Variants in ALPL observed in about 807,000 individuals in gnomAD.
ALPL encodes alkaline phosphatase, tissue-nonspecific isozyme.
In ALPL, 42 loss-of-function variants were observed where a neutral mutation model predicts 51.3. The observed-to-expected ratio is 0.82, with a 90% CI of 0.64 to 1.06. The LOEUF is 1.06. Ranked by LOEUF, ALPL falls within the 50% of genes least tolerant of loss-of-function variation. ALPL has a pLI of 0.00. For missense variants in ALPL, 589 were observed against 709.4 expected, an observed-to-expected ratio of 0.83 and a Z score of 1.93; for synonymous variants, 279 against 296.4, an observed-to-expected ratio of 0.94 and a Z score of 0.60.
chr1:21,551,681 A>T (rs1409054826), intron 1 of ALPL, among the ~76,000 whole-genome samples: 1 of 144,202 alleles, frequency 6.9e-6, no homozygotes, highest in African/African-American at 2.5e-5. Context: ...CCCCTACCCC[A>T]GAGCCGTCAC....
chr1:21,517,923 A>G (rs1291148755), intron 1 of ALPL, among the ~76,000 whole-genome samples: 1 of 151,992 alleles, frequency 6.6e-6, no homozygotes, highest in Non-Finnish European at 1.5e-5. Flanking sequence ...AGCAACTAAT[A>G]TAGAGTTGGC....
intron 1 of ALPL, among the ~76,000 whole-genome samples, chr1:21,548,827 G>T (rs1194921504): frequency 6.6e-6 from 1 of 152,156 alleles, no homozygotes; most frequent in Non-Finnish European, 1.5e-5. Context: ...TATGGCCTTG[G>T]AGTTGTAAGT....
intron 1 of ALPL, among the ~76,000 whole-genome samples, chr1:21,517,115 T>C (rs4654755): frequency 0.32 from 49,403 of 152,118 alleles, 8,767 homozygotes; most frequent in East Asian, 0.47. Flanking sequence ...AAAAACAGAA[T>C]GGCTGGTTGG....
intron 1 of ALPL, among the ~76,000 whole-genome samples, chr1:21,540,880 C>T (rs1444478331): frequency 6.6e-6 from 1 of 152,190 alleles, no homozygotes; most frequent in East Asian, 1.9e-4. Flanking sequence ...GGCTACCTGG[C>T]AGGTTACTCC....
chr1:21,573,472 GAA>G (rs955871458), intron 8 of ALPL, among the ~76,000 whole-genome samples, 191 bp from the exon 9 acceptor site: 1 of 147,108 alleles, frequency 6.8e-6, no homozygotes, highest in Admixed American at 6.9e-5. Context: ...AAAGAAAAAA[GAA>G]AAAAAAAGGA....
chr1:21,554,753 G>T (rs1390563868), intron 2 of ALPL, among the ~76,000 whole-genome samples: 1 of 151,122 alleles, frequency 6.6e-6, no homozygotes, highest in East Asian at 1.9e-4. Flanking sequence ...GCCTCCCAAA[G>T]TGCTGGGATT....
At chr1:21,521,002 TTG>T (rs1380940903) in intron 1 of ALPL, among the ~76,000 whole-genome samples, 1 of 152,168 alleles carries the variant, frequency 6.6e-6, no homozygotes, top group African/African-American at 2.4e-5. Context: ...CTCTCCCTGT[TTG>T]TGTTGCCAGT....
At chr1:21,523,641 C>T (rs2148071353) in intron 1 of ALPL, among the ~76,000 whole-genome samples, 1 of 152,352 alleles carries the variant, frequency 6.6e-6, no homozygotes, top group South Asian at 2.1e-4. Context: ...TCACCTCACC[C>T]CTGCCTGGGG....
At chr1:21,557,476 G>A (rs962124154) in intron 2 of ALPL, among the ~76,000 whole-genome samples, 1 of 152,204 alleles carries the variant, frequency 6.6e-6, no homozygotes, top group African/African-American at 2.4e-5. Context: ...TCTGGGACGG[G>A]GTCCCTGCCT....
chr1:21,544,974 T>C lies in ALPL; in HGVS notation c.-104-9004T>C, dbSNP rs879282833. Among the ~76,000 whole-genome samples, 7 of 151,982 alleles carry C rather than the reference T, an allele frequency of 4.6e-5. No individual in the cohort carries two copies. The East Asian group carries it at 1.2e-3, about 25-fold the overall frequency. ...AATACCCTCTAACCCTTAAAAAAAATAACCTAAAGTCTTTATTCCCACCTT... is the reference window on the plus strand; with the variant it reads ...AATACCCTCTAACCCTTAAAAAAAACAACCTAAAGTCTTTATTCCCACCTT... On this transcript the variant is annotated intron_variant, in intron 1 of 11. Transcript: ENST00000374840.
At chr1:21,547,093 C>T (rs774954072) in intron 1 of ALPL, among the ~76,000 whole-genome samples, 47 of 152,204 alleles carry the variant, frequency 3.1e-4, no homozygotes, top group Non-Finnish European at 6.5e-4. Flanking sequence ...GTCCCGTTCC[C>T]GACTGTTTCC....
chr1:21,513,578 G>A (rs1415685889), intron 1 of ALPL, among the ~76,000 whole-genome samples: 1 of 152,096 alleles, frequency 6.6e-6, no homozygotes, highest in Non-Finnish European at 1.5e-5. Context: ...ACTTCCCTAA[G>A]ACTTGGAATG....
At chr1:21,541,627 G>C (rs1383592347) in intron 1 of ALPL, among the ~76,000 whole-genome samples, 1 of 152,210 alleles carries the variant, frequency 6.6e-6, no homozygotes, top group African/African-American at 2.4e-5. Flanking sequence ...ATTCTCTAAG[G>C]CTCTGATTAA....
chr1:21,568,329 T>C (rs1644597887), intron 7 of ALPL, 82 bp downstream of exon 7: 1 of 1,593,290 alleles, frequency 6.3e-7, no homozygotes, highest in Non-Finnish European at 8.6e-7. Context: ...GAAGTTCTGT[T>C]GTCCTCTGTA....
At chr1:21,545,623 G>T (rs980203795) in intron 1 of ALPL, among the ~76,000 whole-genome samples, 1 of 151,590 alleles carries the variant, frequency 6.6e-6, no homozygotes, top group Non-Finnish European at 1.5e-5. Context: ...ATCAAATGTC[G>T]CCAACTGTTC....
At chr1:21,566,233 G>A (rs1339123259) in intron 6 of ALPL, among the ~76,000 whole-genome samples, 1 of 152,198 alleles carries the variant, frequency 6.6e-6, no homozygotes, top group Non-Finnish European at 1.5e-5. Flanking sequence ...TTCCCTGGGT[G>A]ACTGCCTTTC....
At chr1:21,519,368 A>T (rs530558376) in intron 1 of ALPL, among the ~76,000 whole-genome samples, 20 of 152,324 alleles carry the variant, frequency 1.3e-4, no homozygotes, top group Admixed American at 2.0e-4. Context: ...TCTTTCTCTC[A>T]GCTTACCATG....
At chr1:21,566,812 G>A (rs1039040742) in intron 6 of ALPL, among the ~76,000 whole-genome samples, 1 of 152,078 alleles carries the variant, frequency 6.6e-6, no homozygotes, top group South Asian at 2.1e-4. Flanking sequence ...GTCCAGGCTG[G>A]TCTCAAACTC....
chr1:21,528,527 T>A (rs527490091), intron 1 of ALPL, among the ~76,000 whole-genome samples: 3 of 151,520 alleles, frequency 2.0e-5, no homozygotes, highest in Admixed American at 2.0e-4. Context: ...TTTTTTTGTA[T>A]TTTTAGTAGA....
Sources: gnomAD v4.1 joint callset for allele counts (sites outside exome capture counted in the v4.1 genomes callset) on GRCh38, gnomAD v4.1.1 for gene constraint, MANE v1.5 for transcripts, NCBI Gene and HGNC (gene_info 2026-07-23, HGNC 2026-07-21) for gene names.